The following CCDC149 variants were observed in gnomAD, a reference collection of about 807,000 sequenced individuals.
The protein encoded by CCDC149 is coiled-coil domain-containing protein 149.
In CCDC149, 45 loss-of-function variants were observed where a neutral mutation model predicts 59.9. The ratio of observed to expected loss-of-function variants is 0.75; its 90% CI spans 0.59 to 0.96. The LOEUF is 0.96. Ranked by LOEUF, CCDC149 falls within the 40% of genes least tolerant of loss-of-function variation. The pLI is 0.00. For missense variants in CCDC149, 584 were observed against 664.7 expected (o/e 0.88, Z 1.33); for synonymous variants, 245 against 260.6 (o/e 0.94, Z 0.58).
rs142140929 is a variant in CCDC149, at chr4:24,854,191, C to T, written c.265-1012G>A. On this transcript the variant is annotated intron_variant, in intron 3 of 12. Transcript: ENST00000635206. ...TCTAGCTACCTATTCCAGTCTTTTA[C>T]TCACAGTCCTCGCTCACATGGCTTC... is the stretch of plus-strand genomic sequence containing the variant. Among the ~76,000 whole-genome samples, 22 of 152,310 alleles carry T rather than the reference C, an allele frequency of 1.4e-4. No individual in the cohort carries two copies. The East Asian group carries it at 4.1e-3, about 28-fold the overall frequency.
chr4:24,912,755 G>A, intron 1 of CCDC149, 62 bp downstream of exon 1: 4 of 1,145,950 alleles, frequency 3.5e-6, no homozygotes, highest in Non-Finnish European at 3.2e-6. Flanking sequence ...CTGGGGGCGC[G>A]GGCCCGGGGC....
chr4:24,814,987 A>G (rs1714920315), intron 12 of CCDC149, among the ~76,000 whole-genome samples: 1 of 152,326 alleles, frequency 6.6e-6, no homozygotes, highest in South Asian at 2.1e-4. Context: ...CATGATGCCT[A>G]TGTGATTAAA....
At chr4:24,936,733 G>A (rs1378030229) in intron 1 of CCDC149, among the ~76,000 whole-genome samples, 4 of 152,154 alleles carry the variant, frequency 2.6e-5, no homozygotes, top group Middle Eastern at 3.2e-3. Flanking sequence ...TGTTACCACT[G>A]GTGGAATGGG....
chr4:24,869,425 A>G lies in CCDC149; in HGVS notation c.264+4256T>C, dbSNP rs568543437. Among the ~76,000 whole-genome samples, 28 of 152,288 alleles carry G rather than the reference A, an allele frequency of 1.8e-4. 1 individual carries two copies. The South Asian group carries it at 5.2e-3, about 28-fold the overall frequency. ...CCCAGCTGCACTTCTGTCTCCCACG[A>G]GGGCTGCTCAACCAACTCTTCCCAT... is the stretch of plus-strand genomic sequence containing the variant. On this transcript the variant is annotated intron_variant, in intron 3 of 12. Coordinates refer to ENST00000635206, the MANE Select transcript of CCDC149 (RefSeq NM_001330643.2).
intron 1 of CCDC149, among the ~76,000 whole-genome samples, chr4:24,890,497 A>G (rs1720465705): frequency 6.6e-6 from 1 of 152,226 alleles, no homozygotes; most frequent in African/African-American, 2.4e-5. Context: ...CGTGAGAAAA[A>G]GCACTCAATA....
At chr4:24,882,351 C>A (rs1232800273) in intron 1 of CCDC149, among the ~76,000 whole-genome samples, 1 of 152,178 alleles carries the variant, frequency 6.6e-6, no homozygotes, top group African/African-American at 2.4e-5. Context: ...TTCTCAAAAG[C>A]AGTTTGATCG....
At chr4:24,914,766 G>C (rs1471942037), upstream of CCDC149, among the ~76,000 whole-genome samples, 1 of 152,228 alleles carries the variant, frequency 6.6e-6, no homozygotes, top group Non-Finnish European at 1.5e-5. Context: ...AACTGAAATG[G>C]ATGGTGACAC....
At chr4:24,913,274 G>A (rs1051275504), upstream of CCDC149, among the ~76,000 whole-genome samples, 3 of 152,116 alleles carry the variant, frequency 2.0e-5, no homozygotes, top group African/African-American at 7.2e-5. Context: ...TGTGTCCCCC[G>A]CAAGAAGCAA....
intron 1 of CCDC149, among the ~76,000 whole-genome samples, chr4:24,918,323 T>C (rs978967608): frequency 1.2e-4 from 18 of 152,166 alleles, no homozygotes; most frequent in African/African-American, 3.6e-4. Context: ...GGTGAAAAGG[T>C]GGCATTTCAT....
At chr4:24,912,717 C>T in intron 1 of CCDC149, 100 bp downstream of exon 1, 2 of 828,810 alleles carry the variant, frequency 2.4e-6, no homozygotes, top group Non-Finnish European at 3.1e-6. Flanking sequence ...GTGCGCGCCC[C>T]CCTCTCGTCC....
chr4:24,962,397 G>C (rs1216730726), intron 1 of CCDC149, among the ~76,000 whole-genome samples: 3 of 152,206 alleles, frequency 2.0e-5, no homozygotes, highest in Admixed American at 1.3e-4. Context: ...GTGGAAGTCA[G>C]TGTGGCGATT....
At chr4:24,952,627 AT>A (rs1723347278) in intron 1 of CCDC149, among the ~76,000 whole-genome samples, 21 of 9,334 alleles carry the variant, frequency 2.2e-3, no homozygotes, top group East Asian at 6.5e-3. Context: ...AAAAAAAAAA[AT>A]ATATATATAT....
intron 4 of CCDC149, among the ~76,000 whole-genome samples, chr4:24,850,302 T>A (rs748533715): frequency 3.9e-5 from 6 of 152,178 alleles, no homozygotes; most frequent in Non-Finnish European, 8.8e-5. Context: ...AGATGGAAAT[T>A]CGGCCCTCAA....
At chr4:24,823,019 A>C (rs1715511320) in intron 9 of CCDC149, 1 of 152,918 alleles carries the variant, frequency 6.5e-6, no homozygotes, top group Non-Finnish European at 1.5e-5. Flanking sequence ...CATGCTTGGT[A>C]ATGTTGTTTT....
chr4:24,907,946 T>C (rs1387704404), intron 1 of CCDC149, among the ~76,000 whole-genome samples: 1 of 152,196 alleles, frequency 6.6e-6, no homozygotes, highest in Non-Finnish European at 1.5e-5. Flanking sequence ...GCCTCTGTTG[T>C]CACATGCCTT....
At chr4:24,810,793 GT>G (rs1416255036) in intron 12 of CCDC149, among the ~76,000 whole-genome samples, 4 of 152,158 alleles carry the variant, frequency 2.6e-5, no homozygotes, top group African/African-American at 9.7e-5. Flanking sequence ...ATGAAATGTA[GT>G]TTTTCCTCTA....
chr4:24,813,984 C>A (rs1714843717), intron 12 of CCDC149, among the ~76,000 whole-genome samples: 1 of 152,198 alleles, frequency 6.6e-6, no homozygotes, highest in African/African-American at 2.4e-5. Context: ...TGGGTCTTGG[C>A]TACTGTTGCC....
intron 3 of CCDC149, among the ~76,000 whole-genome samples, chr4:24,855,974 C>G (rs1717979015): frequency 6.6e-6 from 1 of 152,196 alleles, no homozygotes; most frequent in African/African-American, 2.4e-5. Flanking sequence ...TTGGGTCTCC[C>G]ATCTGTAAGA....
At chr4:24,858,588 C>T (rs1718176004) in intron 3 of CCDC149, among the ~76,000 whole-genome samples, 1 of 152,058 alleles carries the variant, frequency 6.6e-6, no homozygotes, top group Non-Finnish European at 1.5e-5. Context: ...GAAAACATAG[C>T]GGAGAGATTC....
Sources: allele counts gnomAD v4.1 joint callset (sites outside exome capture counted in the v4.1 genomes callset), GRCh38; gene constraint gnomAD v4.1.1; transcripts MANE v1.5; gene names NCBI Gene and HGNC (gene_info 2026-07-23, HGNC 2026-07-21).